Variants in RRAD observed in about 807,000 individuals in gnomAD.
RRAD encodes the protein RRAD, Ras related glycolysis inhibitor and calcium channel regulator.
In RRAD, 15 loss-of-function variants were observed where a neutral mutation model predicts 24.7. The ratio of observed to expected loss-of-function variants is 0.61; its 90% CI spans 0.41 to 0.93. The LOEUF is 0.93. Ranked by LOEUF, RRAD falls within the 40% of genes least tolerant of loss-of-function variation. RRAD has a pLI of 0.00. For missense variants in RRAD, 438 were observed against 452.2 expected, an observed-to-expected ratio of 0.97 and a Z score of 0.29; for synonymous variants, 180 against 189.8, an observed-to-expected ratio of 0.95 and a Z score of 0.43.
chr16:66,922,139 A>C lies in RRAD; in HGVS notation c.864T>G (p.Arg288=). 6.2e-7 allele frequency: 1 copy of C among 1,613,600 alleles called. No individual in the cohort carries two copies. Among genetic ancestry groups the C allele is most frequent in the Non-Finnish European group, 8.5e-7 (1 of 1,179,508 alleles). ...CGCGAAAGGCCATCTTGCGGCTGTT[A>C]CGAGCTACGATGCGGCCCAAGAAGC... ...AKRFLGRIVA[R]NSRKMAFRAK... Residue 288 remains arginine (R), a synonymous_variant, in exon 5 of 5, where the codon CGT becomes CGG. Coordinates refer to ENST00000299759, the MANE Select transcript of RRAD (RefSeq NM_004165.3).
Position 66,923,430 on chromosome 16 carries a change from T to A in RRAD, c.649+86A>T. On this transcript the variant is annotated intron_variant, in intron 4 of 4. Transcript: ENST00000299759. This position sits in a 1 kb window ranked among gnomAD's most constrained non-coding sequence, Gnocchi z 4.9. ...TCTGAACATTTTTAGCCTCTGATGA[T>A]CCCCAGGGACTCAAGCTGAGCCAAG... is the stretch of plus-strand genomic sequence containing the variant. 9.1e-7 allele frequency: 1 copy of A among 1,101,872 alleles called. No individual in the cohort carries two copies. The highest frequency in any genetic ancestry group is 1.4e-5 in the South Asian group (1 of 71,744). 68.3% of individuals were successfully genotyped at this position (1,101,872 alleles called of 1,614,324 possible).
chr16:66,922,936 C>T (rs917794273), intron 4 of RRAD, among the ~76,000 whole-genome samples: 1 of 152,246 alleles, frequency 6.6e-6, no homozygotes, highest in Non-Finnish European at 1.5e-5. Flanking sequence ...CCGCCTCGGC[C>T]TCCCAAAGTG....
At position 66,925,020 on chromosome 16, in the gene RRAD, C is replaced by G. The variant is rs767682595; in HGVS notation, c.160G>C (p.Gly54Arg). ...CCGGCCGCGGCCGCCGTCAGGGCAC[C>G]CGGGGTCAGCGCCGCCTGCAGGTCG... ...ERDLQAALTP[G>R]ALTAAAAGTG... Residue 54 changes from glycine (G) to arginine (R), a missense_variant, in exon 2 of 5, where the codon GGT becomes CGT. Transcript: ENST00000299759. The surrounding 1 kb of genome is among the most constrained non-coding windows in gnomAD (Gnocchi z 5.2). 1 of 1,403,982 alleles carries G rather than the reference C, an allele frequency of 7.1e-7. No homozygotes were observed. The highest frequency in any genetic ancestry group is 1.5e-5 in the South Asian group (1 of 66,372). 87.0% of individuals were successfully genotyped at this position (1,403,982 alleles called of 1,614,324 possible).
chr16:66,923,862 T>C lies in RRAD; in HGVS notation c.428A>G (p.Tyr143Cys). Reference sequence around the variant, plus strand: ...GCACCCTACCTGCTCCCAAATGTCGTAGACCATGAGTGATGCCTCTTCTCC... The same window carrying C: ...GCACCCTACCTGCTCCCAAATGTCGCAGACCATGAGTGATGCCTCTTCTCC... The part of the protein sequence containing the change: ...VDGEEASLMV[Y>C]DIWEQDGGRW... Residue 143 changes from tyrosine (Y) to cysteine (C), a missense_variant, in exon 3 of 5, where the codon TAC becomes TGC. Physicochemically the swap from Tyr to Cys is radical, Grantham distance 194. Transcript: ENST00000299759. The surrounding 1 kb of genome is among the most constrained non-coding windows in gnomAD (Gnocchi z 4.9). 3.7e-6 allele frequency: 6 copies of C among 1,614,068 alleles called. No homozygotes were observed. Among genetic ancestry groups the C allele is most frequent in the Non-Finnish European group, 5.1e-6 (6 of 1,179,992 alleles).
intron 4 of RRAD, among the ~76,000 whole-genome samples, chr16:66,922,707 T>C (rs58020246): frequency 0.061 from 9,345 of 152,256 alleles, 567 homozygotes; most frequent in African/African-American, 0.16. Context: ...TTTTCTGAGA[T>C]AGAGTCTCGC....
At chr16:66,922,423 G>A in intron 4 of RRAD, 70 bp from the exon 5 acceptor site, 1 of 1,460,226 alleles carries the variant, frequency 6.8e-7, no homozygotes, top group Non-Finnish European at 9.2e-7. Context: ...CTCCAACAGT[G>A]GCCACCCATG....
At chr16:66,922,713 CT>C (rs1193286314) in intron 4 of RRAD, among the ~76,000 whole-genome samples, 1 of 152,202 alleles carries the variant, frequency 6.6e-6, no homozygotes, top group Non-Finnish European at 1.5e-5. Flanking sequence ...GAGATAGAGT[CT>C]CGCTGTCTCC....
In RRAD at chr16:66,925,010, G is replaced by C; in HGVS notation, c.170C>G (p.Thr57Arg). 2 of 1,426,150 alleles carry C rather than the reference G, an allele frequency of 1.4e-6. No homozygotes were observed. The highest frequency in any genetic ancestry group is 1.8e-6 in the Non-Finnish European group (2 of 1,085,476). 88.3% of individuals were successfully genotyped at this position (1,426,150 alleles called of 1,614,324 possible). Reference sequence around the variant, plus strand: ...GGTCCCCGTCCCGGCCGCGGCCGCCGTCAGGGCACCCGGGGTCAGCGCCGC... The same window carrying C: ...GGTCCCCGTCCCGGCCGCGGCCGCCCTCAGGGCACCCGGGGTCAGCGCCGC... ...LQAALTPGALTAAAAGTGTQG... is the reference protein window; with the variant it reads ...LQAALTPGALRAAAAGTGTQG... Residue 57 changes from threonine (T) to arginine (R), a missense_variant, in exon 2 of 5, where the codon ACG becomes AGG. By Grantham distance (71) the Thr-to-Arg change is moderately conservative. Coordinates refer to ENST00000299759, the MANE Select transcript of RRAD (RefSeq NM_004165.3). The surrounding 1 kb of genome is among the most constrained non-coding windows in gnomAD (Gnocchi z 5.2).
rs1390430043 is a variant in RRAD at position 66,922,164 on chromosome 16, C to G, written c.839G>C (p.Arg280Pro). Residue 280 changes from arginine (R) to proline (P), a missense_variant, in exon 5 of 5, where the codon CGC becomes CCC. Arg to Pro is a moderately radical substitution (Grantham distance 103). Coordinates refer to ENST00000299759, the MANE Select transcript of RRAD (RefSeq NM_004165.3). ...ACGAGCTACGATGCGGCCCAAGAAG[C>G]GCTTCGCCTTTTTGCCAAGGCTCTC... The part of the protein sequence containing the change: ...RRESLGKKAK[R>P]FLGRIVARNS... The G allele has an allele frequency of 1.2e-5, 19 of 1,614,076 alleles. No individual in the cohort carries two copies. The highest frequency in any genetic ancestry group is 1.5e-5 in the Non-Finnish European group (18 of 1,179,988).
chr16:66,923,614 C>G lies in RRAD; in HGVS notation c.551G>C (p.Arg184Pro), dbSNP rs759559320. The G allele has an allele frequency of 1.9e-6, 3 of 1,613,980 alleles. No homozygotes were observed. The East Asian group carries it at 6.7e-5, about 36-fold the overall frequency. The stretch of plus-strand genomic sequence containing the variant: ...TTGCCGTGCACGCCGCAGCTGGACC[C>G]GCAGTTCTGAGGCCTTCTCGAAGCT... ...KGSFEKASEL[R>P]VQLRRARQTD... Residue 184 changes from arginine (R) to proline (P), a missense_variant, in exon 4 of 5, where the codon CGG becomes CCG. Physicochemically the swap from Arg to Pro is moderately radical, Grantham distance 103. Transcript: ENST00000299759. The surrounding 1 kb of genome is among the most constrained non-coding windows in gnomAD (Gnocchi z 4.9).
rs375403446 is a variant in RRAD, at chr16:66,922,302, G to T, written c.701C>A (p.Ala234Glu). The T allele has an allele frequency of 7.5e-6, 12 of 1,609,394 alleles. No homozygotes were observed. Among genetic ancestry groups the T allele is most frequent in the Non-Finnish European group, 9.3e-6 (11 of 1,176,816 alleles). The change falls in exon 5 of 5, where the codon GCG becomes GAG. Residue 234 changes from alanine to glutamate, a missense_variant. Coordinates refer to ENST00000299759, the MANE Select transcript of RRAD (RefSeq NM_004165.3). ...CGCCTGGACATTGTGGTGCAATGCCGCTGATGTCTCAATGAACTTGCAGTC... is the reference window on the plus strand; with the variant it reads ...CGCCTGGACATTGTGGTGCAATGCCTCTGATGTCTCAATGAACTTGCAGTC... ...VFDCKFIETS[A>E]ALHHNVQALF...
rs776046305 is a variant in RRAD, at chr16:66,924,981, C to T, written c.199G>A (p.Gly67Ser). 9.6e-6 allele frequency: 14 copies of T among 1,460,280 alleles called. No individual in the cohort carries two copies. In the South Asian group the frequency reaches 1.7e-4, roughly 18 times the overall value. 90.5% of individuals were successfully genotyped at this position (1,460,280 alleles called of 1,614,324 possible). ...TCCTCGGGCCAGTCCAGCCTGGGAC[C>T]CTGGGTCCCCGTCCCGGCCGCGGCC... The part of the protein sequence containing the change: ...TAAAAGTGTQ[G>S]PRLDWPEDSE... Residue 67 changes from glycine to serine, a missense_variant, in exon 2 of 5, where the codon GGT becomes AGT. Physicochemically the swap from Gly to Ser is moderately conservative, Grantham distance 56. Transcript: ENST00000299759. The surrounding 1 kb of genome is among the most constrained non-coding windows in gnomAD (Gnocchi z 4.2).
At chr16:66,922,432 T>G in intron 4 of RRAD, 79 bp from the exon 5 acceptor site, 1 of 1,420,562 alleles carries the variant, frequency 7.0e-7, no homozygotes. Context: ...TGGCCACCCA[T>G]GGAAGCTGCC....
Position 66,924,865 on chromosome 16 carries a change from G to A in RRAD, c.315C>T (p.Ser105=). The A allele has an allele frequency of 6.3e-7, 1 of 1,587,584 alleles. No individual in the cohort carries two copies. The highest frequency in any genetic ancestry group is 1.1e-5 in the South Asian group (1 of 89,742). The part of the protein sequence containing the change: ...LLLGAPGVGK[S]ALARIFGGVE... ...CACCGCCGAAGATGCGCGCCAGGGC[G>A]CTCTTGCCCACGCCGGGCGCCCCCA... The change falls in exon 2 of 5, where the codon AGC becomes AGT. Residue 105 remains serine, a synonymous_variant. Transcript: ENST00000299759. The surrounding 1 kb of genome is among the most constrained non-coding windows in gnomAD (Gnocchi z 4.2).
At position 66,924,616 on chromosome 16, in the gene RRAD, G is replaced by A. The variant is rs1962965356; in HGVS notation, c.370+194C>T. Reference sequence around the variant, plus strand: ...GAAGGCGGAGGTTGCAGTGAGCCTAGATCGAGGCCACTGCACTCCAGCCTG... The same window carrying A: ...GAAGGCGGAGGTTGCAGTGAGCCTAAATCGAGGCCACTGCACTCCAGCCTG... On this transcript the variant is annotated intron_variant, in intron 2 of 4. Transcript: ENST00000299759. The surrounding 1 kb of genome is among the most constrained non-coding windows in gnomAD (Gnocchi z 4.2). 2.6e-5 allele frequency among the ~76,000 whole-genome samples: 4 copies of A among 152,112 alleles called. No individual in the cohort carries two copies. The highest frequency in any genetic ancestry group is 2.6e-4 in the Admixed American group (4 of 15,280).
At position 66,924,864 on chromosome 16, in the gene RRAD, C is replaced by G; in HGVS notation, c.316G>C (p.Ala106Pro). Residue 106 changes from alanine to proline, a missense_variant, in exon 2 of 5, where the codon GCC becomes CCC. Physicochemically the swap from Ala to Pro is conservative, Grantham distance 27. Transcript: ENST00000299759. The surrounding 1 kb of genome is among the most constrained non-coding windows in gnomAD (Gnocchi z 4.2). ...ACACCGCCGAAGATGCGCGCCAGGG[C>G]GCTCTTGCCCACGCCGGGCGCCCCC... ...LLGAPGVGKS[A>P]LARIFGGVED... is the part of the protein sequence containing the mutation. The G allele has an allele frequency of 6.3e-7, 1 of 1,588,278 alleles. No homozygotes were observed. Among genetic ancestry groups the G allele is most frequent in the Non-Finnish European group, 8.5e-7 (1 of 1,172,080 alleles).
Position 66,924,844 on chromosome 16 carries a change from GC to G in RRAD, c.335del (p.Gly112AlafsTer21). The G allele has an allele frequency of 6.3e-7, 1 of 1,587,374 alleles. No individual in the cohort carries two copies. The highest frequency in any genetic ancestry group is 1.3e-5 in the African/African-American group (1 of 74,520). ...VGKSALARIF[G>X]GVEDGPEAEA... Reference sequence around the variant, plus strand: ...CTGCTTCAGGCCCGTCCTCCACACCGCCGAAGATGCGCGCCAGGGCGCTCTT... The same window carrying G: ...CTGCTTCAGGCCCGTCCTCCACACCGCGAAGATGCGCGCCAGGGCGCTCTT... On this transcript the variant is annotated frameshift_variant, in exon 2 of 5. Transcript: ENST00000299759. LOFTEE classifies it high-confidence loss of function. The surrounding 1 kb of genome is among the most constrained non-coding windows in gnomAD (Gnocchi z 4.2).
Position 66,924,663 on chromosome 16 carries a change from C to T in RRAD, c.370+147G>A, listed in dbSNP as rs954153026. On this transcript the variant is annotated intron_variant, in intron 2 of 4. Transcript: ENST00000299759. The surrounding 1 kb of genome is among the most constrained non-coding windows in gnomAD (Gnocchi z 4.2). ...CCTGGGAAAAAGAGCGAAACTCTGT[C>T]TCAAAATAATAATAAAATAATAATA... The T allele has an allele frequency of 6.1e-5, 38 of 626,264 alleles. No individual in the cohort carries two copies. The highest frequency in any genetic ancestry group is 7.5e-5 in the Non-Finnish European group (35 of 465,986). 38.8% of individuals were successfully genotyped at this position (626,264 alleles called of 1,614,324 possible).
Position 66,923,811 on chromosome 16 carries a change from C to G in RRAD, c.444+35G>C, listed in dbSNP as rs1962952342. 8.1e-6 allele frequency: 13 copies of G among 1,610,274 alleles called. No homozygotes were observed. Among genetic ancestry groups the G allele is most frequent in the Non-Finnish European group, 1.1e-5 (13 of 1,176,506 alleles). On this transcript the variant is annotated intron_variant, in intron 3 of 4. Coordinates refer to ENST00000299759, the MANE Select transcript of RRAD (RefSeq NM_004165.3). The surrounding 1 kb of genome is among the most constrained non-coding windows in gnomAD (Gnocchi z 4.9). ...CAGACCTCTAACCCAACTCACTCCT[C>G]CCTCCCCTGCCCTGGGTCTCTGCTT...
Sources: gnomAD v4.1 joint callset for allele counts (sites outside exome capture counted in the v4.1 genomes callset) on GRCh38, gnomAD v4.1.1 for gene constraint, Gnocchi (gnomAD v3.1) non-coding constraint, MANE v1.5 for transcripts, NCBI Gene and HGNC (gene_info 2026-07-23, HGNC 2026-07-21) for gene names.